The following VTCN1 variants were observed in gnomAD, a reference collection of about 807,000 sequenced individuals.
VTCN1 encodes the protein V-set domain-containing T-cell activation inhibitor 1.
VTCN1 carries 26 observed loss-of-function variants against 26.5 expected under a neutral mutation model. That is an observed-to-expected ratio of 0.98 (90% confidence interval 0.72 to 1.36). The LOEUF (loss-of-function observed/expected upper bound fraction) is 1.36. Ranked by LOEUF, VTCN1 falls within the 40% of genes most tolerant of loss-of-function variation. VTCN1 has a pLI of 0.00. For missense variants in VTCN1, 298 were observed against 337.7 expected (o/e 0.88, Z 0.92); for synonymous variants, 116 against 130.7 (o/e 0.89, Z 0.77).
At chr1:117,201,796 C>G (rs113131920) in intron 1 of VTCN1, among the ~76,000 whole-genome samples, 3 of 152,240 alleles carry the variant, frequency 2.0e-5, no homozygotes, top group African/African-American at 2.4e-5. Context: ...GACACCATGA[C>G]TTTCCCATCA....
chr1:117,152,262 A>G (rs1651840885), intron 4 of VTCN1, among the ~76,000 whole-genome samples: 1 of 152,172 alleles, frequency 6.6e-6, no homozygotes, highest in African/African-American at 2.4e-5. Context: ...TAAGAATATG[A>G]TTTATTCAGT....
At chr1:117,182,088 C>A (rs892281549) in intron 1 of VTCN1, among the ~76,000 whole-genome samples, 3 of 152,160 alleles carry the variant, frequency 2.0e-5, no homozygotes, top group African/African-American at 7.2e-5. Flanking sequence ...ACTGTTTATT[C>A]ATTAATAAAG....
Position 117,167,561 on chromosome 1 carries a change from C to T in VTCN1, c.97+2546G>A, listed in dbSNP as rs1364272065. 1.3e-5 allele frequency among the ~76,000 whole-genome samples: 2 copies of T among 152,182 alleles called. No homozygotes were observed. Among genetic ancestry groups the T allele is most frequent in the African/African-American group, 4.8e-5 (2 of 41,444 alleles). Reference sequence around the variant, plus strand: ...AACAGAAATTAAAACCACAAAATTCCACAACACCCAGTATTGGTGAGGGTG... The same window carrying T: ...AACAGAAATTAAAACCACAAAATTCTACAACACCCAGTATTGGTGAGGGTG... On this transcript the variant is annotated intron_variant, in intron 2 of 5. Transcript: ENST00000369458. The surrounding 1 kb of genome is among the most constrained non-coding windows in gnomAD (Gnocchi z 4.1).
intron 2 of VTCN1, among the ~76,000 whole-genome samples, chr1:117,158,430 G>C (rs958819568): frequency 6.6e-6 from 1 of 152,190 alleles, no homozygotes; most frequent in African/African-American, 2.4e-5. Flanking sequence ...CTTGGGGTTT[G>C]CACCCTCTGA....
At chr1:117,201,601 G>A (rs187954628) in intron 1 of VTCN1, among the ~76,000 whole-genome samples, 1 of 152,322 alleles carries the variant, frequency 6.6e-6, no homozygotes, top group African/African-American at 2.4e-5. Context: ...GACCTGGCAT[G>A]AGTAAGTACC....
intron 1 of VTCN1, among the ~76,000 whole-genome samples, chr1:117,209,538 C>T (rs527248467): frequency 2.6e-5 from 4 of 152,196 alleles, no homozygotes; most frequent in Non-Finnish European, 2.9e-5. Flanking sequence ...GTGGTGGACA[C>T]GCTGCTCTAA....
At chr1:117,200,546 C>T (rs1472632130) in intron 1 of VTCN1, among the ~76,000 whole-genome samples, 3 of 152,152 alleles carry the variant, frequency 2.0e-5, no homozygotes, top group African/African-American at 7.2e-5. Context: ...TAAACATTAC[C>T]CTTTGAATAT....
rs1651433613 is a variant in VTCN1 at position 117,144,899 on chromosome 1, CA to C, written c.*371del. 6.6e-6 allele frequency: 1 copy of C among 152,568 alleles called. No individual in the cohort carries two copies. The highest frequency in any genetic ancestry group is 1.5e-5 in the Non-Finnish European group (1 of 68,022). 9.5% of individuals were successfully genotyped at this position (152,568 alleles called of 1,614,324 possible). A position where few individuals can be genotyped will look rare whatever the true frequency, so the allele number is the denominator to read the frequency against. On this transcript the variant is annotated 3_prime_UTR_variant, in exon 6 of 6. Transcript: ENST00000369458. ...ATTACAGCACATATAACTAAAAATT[CA>C]GAGACAAAGAACATGCACTATCCTG...
intron 3 of VTCN1, among the ~76,000 whole-genome samples, chr1:117,154,309 T>G (rs1165726507): frequency 6.6e-6 from 1 of 152,144 alleles, no homozygotes; most frequent in African/African-American, 2.4e-5. Context: ...AGACCTTATT[T>G]CATTTGATCC....
intron 1 of VTCN1, among the ~76,000 whole-genome samples, chr1:117,194,604 C>T (rs969610626): frequency 5.3e-5 from 8 of 152,192 alleles, no homozygotes; most frequent in African/African-American, 1.9e-4. Context: ...CAAGAGCCAT[C>T]ATATGGAAAC....
At position 117,146,965 on chromosome 1, in the gene VTCN1, T is replaced by C. The variant is rs1651545063; in HGVS notation, c.*45+648A>G. On this transcript the variant is annotated intron_variant, in intron 5 of 5. Coordinates refer to ENST00000369458, the MANE Select transcript of VTCN1 (RefSeq NM_024626.4). The surrounding 1 kb of genome is among the most constrained non-coding windows in gnomAD (Gnocchi z 4.2). ...GGAAAATGTGATAGGTAGGGGTTGA[T>C]AAGAAATTGACATGCGGGACAGAGG... is the stretch of plus-strand genomic sequence containing the variant. Among the ~76,000 whole-genome samples, 1 of 152,038 alleles carries C rather than the reference T, an allele frequency of 6.6e-6. No individual in the cohort carries two copies. The highest frequency in any genetic ancestry group is 2.1e-4 in the South Asian group (1 of 4,814).
chr1:117,181,253 C>CAAAA (rs5777301), intron 1 of VTCN1, among the ~76,000 whole-genome samples: 1 of 126,922 alleles, frequency 7.9e-6, no homozygotes, highest in Non-Finnish European at 1.6e-5. Flanking sequence ...CCTGTCTTTA[C>CAAAA]AAAAAAAAAA....
chr1:117,178,259 C>CTTTTTTT (rs1194911017), intron 1 of VTCN1, among the ~76,000 whole-genome samples: 1 of 108,358 alleles, frequency 9.2e-6, no homozygotes, highest in Non-Finnish European at 1.9e-5. Flanking sequence ...TCTTTTTTTT[C>CTTTTTTT]TTTTTTTTTT....
In VTCN1 at chr1:117,186,053, G is replaced by T. The variant is rs1027035897; in HGVS notation, c.33-15882C>A. Among the ~76,000 whole-genome samples the T allele has an allele frequency of 9.8e-5, 15 of 152,296 alleles. No homozygotes were observed. In the East Asian group the frequency reaches 2.7e-3, roughly 27 times the overall value. ...TTAAGACCTGTCTCAGATACTTTTA[G>T]TTTCACACATTCCTTGCATGAAATT... On this transcript the variant is annotated intron_variant, in intron 1 of 5. Transcript: ENST00000369458.
intron 1 of VTCN1, among the ~76,000 whole-genome samples, chr1:117,172,034 T>C (rs537868921): frequency 3.7e-4 from 56 of 152,296 alleles, no homozygotes; most frequent in African/African-American, 1.0e-3. Flanking sequence ...CGTTGCTGCC[T>C]GTCCTGGCGC....
intron 4 of VTCN1, 98 bp downstream of exon 4, chr1:117,152,993 T>C (rs908023680): frequency 2.2e-6 from 3 of 1,389,204 alleles, no homozygotes; most frequent in Non-Finnish European, 2.9e-6. Flanking sequence ...ACTCTAGAGA[T>C]TTTTGTGCCT....
intron 1 of VTCN1, chr1:117,172,462 A>AGCT (rs1490708451): frequency 1.9e-6 from 1 of 518,676 alleles, no homozygotes; most frequent in Admixed American, 1.9e-5. Flanking sequence ...CAGCTAGATA[A>AGCT]AGTCATAGCG....
At chr1:117,187,895 AG>A (rs111859365) in intron 1 of VTCN1, among the ~76,000 whole-genome samples, 2 of 152,148 alleles carry the variant, frequency 1.3e-5, no homozygotes, top group Non-Finnish European at 2.9e-5. Flanking sequence ...AACTAAAAAA[AG>A]GGGGGATCTT....
intron 4 of VTCN1, among the ~76,000 whole-genome samples, chr1:117,150,131 C>T (rs769837211): frequency 7.9e-5 from 12 of 152,102 alleles, no homozygotes; most frequent in Non-Finnish European, 2.9e-5. Context: ...TACTTCAGTC[C>T]CTCCTTCTCT....
Sources: gnomAD v4.1 joint callset for allele counts (sites outside exome capture counted in the v4.1 genomes callset) on GRCh38, gnomAD v4.1.1 for gene constraint, Gnocchi (gnomAD v3.1) non-coding constraint, MANE v1.5 for transcripts, NCBI Gene and HGNC (gene_info 2026-07-23, HGNC 2026-07-21) for gene names.